ABTB3: variants seen among roughly 807,000 people sequenced by gnomAD.
The protein encoded by ABTB3 is ankyrin repeat and BTB domain containing 3.
chr12:107,583,747 G>A, the ABTB3 span, among the ~76,000 whole-genome samples: 1 of 152,200 alleles, frequency 6.6e-6, no homozygotes, highest in Non-Finnish European at 1.5e-5. Flanking sequence ...CATCTGTCCA[G>A]TTTGAAGCCT....
the ABTB3 span, among the ~76,000 whole-genome samples, chr12:107,323,041 C>A: frequency 2.6e-5 from 4 of 152,180 alleles, no homozygotes; most frequent in Non-Finnish European, 4.4e-5. Flanking sequence ...TATTAGATAC[C>A]TTTTTGAGTT....
the ABTB3 span, among the ~76,000 whole-genome samples, chr12:107,480,390 T>C: frequency 6.6e-6 from 1 of 151,996 alleles, no homozygotes; most frequent in African/African-American, 2.4e-5. Context: ...CAGAGGAATA[T>C]CAGGTGGAGA....
chr12:107,341,280 T>C, the ABTB3 span, among the ~76,000 whole-genome samples: 16 of 152,172 alleles, frequency 1.1e-4, no homozygotes, highest in African/African-American at 2.4e-4. Flanking sequence ...AGCACCTACC[T>C]TGTGACACAG....
At chr12:107,425,361 C>T in the ABTB3 span, among the ~76,000 whole-genome samples, 6 of 152,196 alleles carry the variant, frequency 3.9e-5, no homozygotes, top group East Asian at 7.7e-4. Context: ...AATTAAGCAA[C>T]GACTTAATTG....
At chr12:107,556,150 A>G in the ABTB3 span, among the ~76,000 whole-genome samples, 1 of 150,446 alleles carries the variant, frequency 6.6e-6, no homozygotes, top group South Asian at 2.1e-4. Context: ...GCTGGAGTGC[A>G]ATGGTGCGAT....
At chr12:107,535,320 A>G in the ABTB3 span, among the ~76,000 whole-genome samples, 1 of 152,154 alleles carries the variant, frequency 6.6e-6, no homozygotes, top group Non-Finnish European at 1.5e-5. Context: ...CACAGCTAAC[A>G]TTATATTTAA....
the ABTB3 span, among the ~76,000 whole-genome samples, chr12:107,514,797 G>A: frequency 6.6e-6 from 1 of 152,076 alleles, no homozygotes; most frequent in Non-Finnish European, 1.5e-5. Context: ...AACTCTCAAA[G>A]CTTCTTTGAA....
At chr12:107,373,334 G>T in the ABTB3 span, among the ~76,000 whole-genome samples, 1 of 152,108 alleles carries the variant, frequency 6.6e-6, no homozygotes, top group East Asian at 1.9e-4. Flanking sequence ...GGTGGTGCCT[G>T]TAGGAAAATA....
the ABTB3 span, among the ~76,000 whole-genome samples, chr12:107,389,880 G>GTGTGTGTGTA: frequency 7.4e-6 from 1 of 134,668 alleles, no homozygotes; most frequent in African/African-American, 2.8e-5. Context: ...GTGTGTGTGT[G>GTGTGTGTGTA]TGTATGTATC....
At chr12:107,423,676 G>A in the ABTB3 span, among the ~76,000 whole-genome samples, 1 of 152,162 alleles carries the variant, frequency 6.6e-6, no homozygotes, top group African/African-American at 2.4e-5. Flanking sequence ...CAGGCTTTCT[G>A]CTAAAAAAGG....
the ABTB3 span, among the ~76,000 whole-genome samples, chr12:107,584,143 A>T: frequency 6.6e-6 from 1 of 152,224 alleles, no homozygotes; most frequent in Admixed American, 6.5e-5. Context: ...ATATTTTCTA[A>T]TCTCATTTAA....
the ABTB3 span, among the ~76,000 whole-genome samples, chr12:107,374,284 C>T: frequency 6.6e-6 from 1 of 152,172 alleles, no homozygotes; most frequent in African/African-American, 2.4e-5. Context: ...TGCCTGACTT[C>T]GCAACAGACA....
chr12:107,550,395 A>G, the ABTB3 span, among the ~76,000 whole-genome samples: 1 of 151,924 alleles, frequency 6.6e-6, no homozygotes, highest in Non-Finnish European at 1.5e-5. Context: ...GACCCTAACA[A>G]GGGAGTCTGG....
At chr12:107,655,783 A>G in the ABTB3 span, among the ~76,000 whole-genome samples, 3 of 152,204 alleles carry the variant, frequency 2.0e-5, no homozygotes, top group Non-Finnish European at 4.4e-5. Flanking sequence ...TTCAGTCATG[A>G]AAAGAGGCCC....
chr12:107,343,502 G>C, the ABTB3 span, among the ~76,000 whole-genome samples: 1 of 152,168 alleles, frequency 6.6e-6, no homozygotes, highest in African/African-American at 2.4e-5. Flanking sequence ...TGGCCAATCC[G>C]ATGCCACAAT....
At chr12:107,576,668 T>C in the ABTB3 span, among the ~76,000 whole-genome samples, 3 of 152,314 alleles carry the variant, frequency 2.0e-5, no homozygotes, top group Non-Finnish European at 4.4e-5. Flanking sequence ...TAACAACAGG[T>C]AGTTTCTCTG....
At chr12:107,589,682 AG>A in the ABTB3 span, among the ~76,000 whole-genome samples, 1 of 152,232 alleles carries the variant, frequency 6.6e-6, no homozygotes, top group Non-Finnish European at 1.5e-5. Flanking sequence ...GAGAGACACA[AG>A]GGGGCATGGA....
chr12:107,643,173 A>C, the ABTB3 span, among the ~76,000 whole-genome samples: 1 of 152,022 alleles, frequency 6.6e-6, no homozygotes, highest in African/African-American at 2.4e-5. Context: ...ATGTGGGCTG[A>C]GGTGGGAGGA....
At chr12:107,348,580 G>A in the ABTB3 span, among the ~76,000 whole-genome samples, 2,668 of 152,224 alleles carry the variant, frequency 0.018, 35 homozygotes, top group Middle Eastern at 0.065. Flanking sequence ...AAAAAATTAT[G>A]CCAGTGTGAT....
Sources: allele counts gnomAD v4.1 joint callset (sites outside exome capture counted in the v4.1 genomes callset), GRCh38; gene constraint gnomAD v4.1.1; transcripts MANE v1.5; gene names NCBI Gene and HGNC (gene_info 2026-07-23, HGNC 2026-07-21).